The following RHOH variants were observed in gnomAD, a reference collection of about 807,000 sequenced individuals.
RHOH encodes the protein rho-related GTP-binding protein RhoH.
In RHOH, 6 loss-of-function variants were observed where a neutral mutation model predicts 13.8. The ratio of observed to expected loss-of-function variants is 0.44; its 90% CI spans 0.24 to 0.86. The LOEUF (loss-of-function observed/expected upper bound fraction) is 0.86, where lower values mean the gene tolerates loss of function less well. Among genes scored for constraint, RHOH ranks in the 40% least tolerant of loss-of-function variants. RHOH has a pLI of 0.24. For missense variants in RHOH, 147 were observed against 244.5 expected (o/e 0.60, Z 2.66); for synonymous variants, 117 against 103.0 (o/e 1.14, Z -0.82).
At chr4:40,195,798 G>A (rs1013893926), upstream of RHOH, among the ~76,000 whole-genome samples, 3 of 152,196 alleles carry the variant, frequency 2.0e-5, no homozygotes, top group African/African-American at 7.2e-5. Context: ...CAGAAGGCTC[G>A]AGGATCTCAG....
At chr4:40,196,821 T>A (rs145270827), upstream of RHOH, 12 of 151,664 alleles carry the variant, frequency 7.9e-5, no homozygotes, top group African/African-American at 2.9e-4. Flanking sequence ...AGAAACATAG[T>A]CTCGGAGTAG....
chr4:40,210,769 A>G (rs1467556754), intron 1 of RHOH, among the ~76,000 whole-genome samples: 1 of 152,222 alleles, frequency 6.6e-6, no homozygotes, highest in Admixed American at 6.5e-5. Flanking sequence ...GGGAAAAGGC[A>G]GGAAAAATAT....
In RHOH at chr4:40,246,510, T is replaced by C. The variant is rs542165241; in HGVS notation, c.*2548T>C. Reference sequence around the variant, plus strand: ...TCTCATACCTGAGACCAGGAATCTATGTGTAAACCCTTTCCAGTGGCAGAA... The same window carrying C: ...TCTCATACCTGAGACCAGGAATCTACGTGTAAACCCTTTCCAGTGGCAGAA... On this transcript the variant is annotated 3_prime_UTR_variant, in exon 3 of 3. Transcript: ENST00000381799. 3.9e-5 allele frequency: 6 copies of C among 152,238 alleles called. No homozygotes were observed. The highest frequency in any genetic ancestry group is 7.3e-5 in the Non-Finnish European group (5 of 68,044). The allele number at this position is 152,238 out of a possible 1,614,324, so 9.4% of individuals were successfully genotyped here.
intron 1 of RHOH, among the ~76,000 whole-genome samples, chr4:40,206,576 GCAGT>G (rs1724662764): frequency 8.8e-6 from 1 of 114,202 alleles, no homozygotes; most frequent in South Asian, 2.6e-4. Context: ...TACTCTTTGG[GCAGT>G]AACTTGCTGA....
At chr4:40,231,834 T>G (rs1357847251) in intron 1 of RHOH, among the ~76,000 whole-genome samples, 1 of 152,260 alleles carries the variant, frequency 6.6e-6, no homozygotes, top group African/African-American at 2.4e-5. Context: ...CAGCCCAGCT[T>G]GATCTCCCAT....
At chr4:40,213,360 CTT>C (rs11358011) in intron 1 of RHOH, among the ~76,000 whole-genome samples, 42 of 144,012 alleles carry the variant, frequency 2.9e-4, no homozygotes, top group Middle Eastern at 3.5e-3. Context: ...TCTCGTTTCT[CTT>C]TTTTTTTTTT....
At position 40,233,904 on chromosome 4, in the gene RHOH, C is replaced by T. The variant is rs898691990; in HGVS notation, c.-330-8810C>T. 5.3e-5 allele frequency among the ~76,000 whole-genome samples: 8 copies of T among 149,610 alleles called. 1 individual carries two copies. Among genetic ancestry groups the T allele is most frequent in the African/African-American group, 4.9e-5 (2 of 40,486 alleles). ...TCATGCCACTGCAGTCCAGCCTGGG[C>T]GACAGAGTAATACTCCCTCTCAAAT... On this transcript the variant is annotated intron_variant, in intron 1 of 2. Coordinates refer to ENST00000381799, the MANE Select transcript of RHOH (RefSeq NM_004310.5).
At chr4:40,241,086 A>G (rs1729191146) in intron 1 of RHOH, among the ~76,000 whole-genome samples, 1 of 152,214 alleles carries the variant, frequency 6.6e-6, no homozygotes, top group South Asian at 2.1e-4. Flanking sequence ...ACAAATGCAT[A>G]TATTTAAGTT....
intron 1 of RHOH, 118 bp downstream of exon 1, chr4:40,197,418 T>C (rs940770122): frequency 2.6e-5 from 4 of 151,880 alleles, no homozygotes; most frequent in African/African-American, 9.7e-5. Context: ...TGCTGTAAGG[T>C]GTAGAATCAA....
At chr4:40,198,960 A>T (rs907116288) in intron 1 of RHOH, among the ~76,000 whole-genome samples, 7 of 152,188 alleles carry the variant, frequency 4.6e-5, no homozygotes, top group African/African-American at 1.4e-4. Flanking sequence ...ATCTGAACCC[A>T]TATAATAACA....
intron 1 of RHOH, among the ~76,000 whole-genome samples, chr4:40,224,403 T>C (rs1726981221): frequency 6.6e-6 from 1 of 152,224 alleles, no homozygotes; most frequent in Admixed American, 6.5e-5. Flanking sequence ...CAGTACAACG[T>C]GTTGAAAGAA....
chr4:40,237,468 A>G (rs1424205359), intron 1 of RHOH, among the ~76,000 whole-genome samples: 1 of 152,118 alleles, frequency 6.6e-6, no homozygotes, highest in African/African-American at 2.4e-5. Flanking sequence ...AAAAAAAAAA[A>G]AAGAACAAAG....
intron 1 of RHOH, among the ~76,000 whole-genome samples, chr4:40,211,332 C>G (rs1167290846): frequency 6.6e-6 from 1 of 152,120 alleles, no homozygotes; most frequent in African/African-American, 2.4e-5. Flanking sequence ...GTGGTGCAAT[C>G]TCAGCTCACT....
At chr4:40,214,609 T>C (rs1725663401) in intron 1 of RHOH, among the ~76,000 whole-genome samples, 1 of 152,192 alleles carries the variant, frequency 6.6e-6, no homozygotes, top group African/African-American at 2.4e-5. Flanking sequence ...CTGGAGAAGT[T>C]GGATTCATAT....
At chr4:40,203,057 C>T (rs984205011) in intron 1 of RHOH, among the ~76,000 whole-genome samples, 3 of 152,060 alleles carry the variant, frequency 2.0e-5, no homozygotes, top group African/African-American at 7.2e-5. Flanking sequence ...CTGCAAGCTC[C>T]GCTTCCCGGG....
chr4:40,231,112 C>A (rs147847213), intron 1 of RHOH, among the ~76,000 whole-genome samples: 10 of 152,262 alleles, frequency 6.6e-5, no homozygotes, highest in African/African-American at 9.6e-5. Context: ...CAGAGACAAG[C>A]CAGTGGGCAC....
At position 40,243,467 on chromosome 4, in the gene RHOH, G is replaced by T; in HGVS notation, c.81G>T (p.Glu27Asp). 6.2e-7 allele frequency: 1 copy of T among 1,613,984 alleles called. No individual in the cohort carries two copies. The change falls in exon 3 of 3, where the codon GAG (glutamate) becomes GAT (aspartate). Residue 27 changes from glutamate (E) to aspartate (D), a missense_variant. Around this residue, in one of 3 missense-constraint regions of RHOH, gnomAD observed 80 missense variants for 152.0 expected, o/e 0.53. Coordinates refer to ENST00000381799, the MANE Select transcript of RHOH (RefSeq NM_004310.5). This position sits in a 1 kb window ranked among gnomAD's most constrained non-coding sequence, Gnocchi z 6.2. ...KTSLLVRFTS[E>D]TFPEAYKPTV... ...CTCTGTTGGTGCGCTTCACCTCCGA[G>T]ACCTTCCCGGAGGCCTACAAGCCCA...
chr4:40,229,157 T>C (rs180923662), intron 1 of RHOH, among the ~76,000 whole-genome samples: 73 of 152,330 alleles, frequency 4.8e-4, no homozygotes, highest in African/African-American at 1.7e-3. Flanking sequence ...TACCCAGGAC[T>C]GTGGCTTTCC....
intron 1 of RHOH, among the ~76,000 whole-genome samples, chr4:40,232,751 C>T (rs1198460166): frequency 6.6e-6 from 1 of 152,154 alleles, no homozygotes; most frequent in African/African-American, 2.4e-5. Flanking sequence ...GCCCACAGTG[C>T]AACCTCCCTG....
Sources: allele counts gnomAD v4.1 joint callset (sites outside exome capture counted in the v4.1 genomes callset), GRCh38; gene constraint gnomAD v4.1.1; regional missense constraint gnomAD v4.1.1; non-coding constraint Gnocchi (gnomAD v3.1); transcripts MANE v1.5; gene names NCBI Gene and HGNC (gene_info 2026-07-23, HGNC 2026-07-21).